Variants in FAT3 observed in about 807,000 individuals in gnomAD.
FAT3 encodes the protein protocadherin Fat 3.
Under a neutral mutation model 310.2 loss-of-function variants are expected in FAT3, and 95 were observed. The observed-to-expected ratio is 0.31, with a 90% CI of 0.26 to 0.36. The LOEUF (loss-of-function observed/expected upper bound fraction) is 0.36, where lower values mean the gene tolerates loss of function less well. Ranked by LOEUF, FAT3 falls within the 10% of genes least tolerant of loss-of-function variation. The pLI, the probability that FAT3 is intolerant of heterozygous loss-of-function variation, is 1.00. For missense variants in FAT3, 5,408 were observed against 5,715.6 expected, an observed-to-expected ratio of 0.95 and a Z score of 1.74; for synonymous variants, 2,314 against 2,192.9, an observed-to-expected ratio of 1.06 and a Z score of -1.54.
chr11:92,235,808 C>T (rs1864394128), intron 1 of FAT3, among the ~76,000 whole-genome samples: 1 of 152,160 alleles, frequency 6.6e-6, no homozygotes, highest in Non-Finnish European at 1.5e-5. Flanking sequence ...CCTGTATGTT[C>T]TAAGCAAGTG....
intron 3 of FAT3, among the ~76,000 whole-genome samples, chr11:92,672,412 C>A (rs1325535779): frequency 6.6e-6 from 1 of 152,168 alleles, no homozygotes. Context: ...TGTTTCCAGA[C>A]ATTGAAAATG....
At chr11:92,537,968 A>G (rs1281102461) in intron 3 of FAT3, among the ~76,000 whole-genome samples, 1 of 152,046 alleles carries the variant, frequency 6.6e-6, no homozygotes, top group Admixed American at 6.6e-5. Context: ...TTTATAAGTC[A>G]TGTTATTGCT....
At chr11:92,598,930 A>G (rs1408828490) in intron 3 of FAT3, among the ~76,000 whole-genome samples, 2 of 152,282 alleles carry the variant, frequency 1.3e-5, no homozygotes, top group South Asian at 2.1e-4. Flanking sequence ...TAAATACTCA[A>G]TGAATGTCAG....
At chr11:92,756,976 G>A (rs1237826400) in intron 4 of FAT3, among the ~76,000 whole-genome samples, 1 of 142,912 alleles carries the variant, frequency 7.0e-6, no homozygotes, top group Non-Finnish European at 1.5e-5. Context: ...CCAGGCTGGA[G>A]TGCAGTGGCG....
chr11:92,309,920 G>T (rs1308081121), intron 1 of FAT3, among the ~76,000 whole-genome samples: 3 of 151,744 alleles, frequency 2.0e-5, no homozygotes, highest in African/African-American at 4.8e-5. Context: ...AGATTGGAAT[G>T]AGAGTTAGTG....
chr11:92,230,575 T>C (rs953974209), intron 1 of FAT3, among the ~76,000 whole-genome samples: 1 of 152,250 alleles, frequency 6.6e-6, no homozygotes, highest in East Asian at 1.9e-4. Context: ...ATTAGAGGCA[T>C]GAGCCACCGT....
chr11:92,560,637 A>G (rs477212), intron 3 of FAT3, among the ~76,000 whole-genome samples: 23,040 of 152,128 alleles, frequency 0.15, 1,937 homozygotes, highest in East Asian at 0.29. Flanking sequence ...GCTATTTAAA[A>G]CAATAAAAAG....
intron 2 of FAT3, among the ~76,000 whole-genome samples, chr11:92,523,813 A>G (rs1953762458): frequency 6.6e-6 from 1 of 152,152 alleles, no homozygotes; most frequent in Non-Finnish European, 1.5e-5. Flanking sequence ...GTAAAGATAG[A>G]CAAGAGCACT....
intron 2 of FAT3, among the ~76,000 whole-genome samples, chr11:92,496,595 T>C (rs1952773259): frequency 6.6e-6 from 1 of 152,058 alleles, no homozygotes; most frequent in Non-Finnish European, 1.5e-5. Flanking sequence ...TTGCTCTATG[T>C]GCTGCTAGGT....
At chr11:92,431,213 T>C (rs1397247586) in intron 2 of FAT3, among the ~76,000 whole-genome samples, 2 of 152,238 alleles carry the variant, frequency 1.3e-5, no homozygotes, top group Admixed American at 6.5e-5. Flanking sequence ...CTAACTGGTG[T>C]GAGATGATAT....
intron 4 of FAT3, among the ~76,000 whole-genome samples, chr11:92,759,954 T>G (rs11020051): frequency 0.75 from 114,373 of 151,740 alleles, 44,161 homozygotes; most frequent in Non-Finnish European, 0.83. Context: ...TGGACAGGCT[T>G]CTCAAGCAGA....
chr11:92,254,467 C>T (rs992478686), intron 1 of FAT3, among the ~76,000 whole-genome samples: 2 of 152,126 alleles, frequency 1.3e-5, no homozygotes, highest in Non-Finnish European at 2.9e-5. Flanking sequence ...ATCCTGCTGG[C>T]TGGAAATATT....
intron 22 of FAT3, 132 bp downstream of exon 22, chr11:92,867,341 A>T: frequency 1.0e-6 from 1 of 957,240 alleles, no homozygotes; most frequent in Non-Finnish European, 1.5e-6. Context: ...ATGCTCGCCA[A>T]CCTTCTTAAT....
chr11:92,867,908 A>AC (rs1949289123), intron 22 of FAT3, among the ~76,000 whole-genome samples: 1 of 44,720 alleles, frequency 2.2e-5, no homozygotes, highest in Non-Finnish European at 4.2e-5. Flanking sequence ...GAGAGTAGGC[A>AC]TTAAAAAAAA....
At position 92,799,497 on chromosome 11, in the gene FAT3, G is replaced by A. The variant is rs768752334; in HGVS notation, c.6484G>A (p.Asp2162Asn). The A allele has an allele frequency of 6.2e-7, 1 of 1,613,672 alleles. No individual in the cohort carries two copies. Among genetic ancestry groups the A allele is most frequent in the South Asian group, 1.1e-5 (1 of 91,018 alleles). The change falls in exon 10 of 28, where the codon GAT (aspartate) becomes AAT (asparagine). Residue 2162 changes from aspartate to asparagine, a missense_variant. Asp to Asn is a conservative substitution (Grantham distance 23). Transcript: ENST00000525166. ...GTATGGAGTCACCATCCTAGCCAAG[G>A]ATGGCGGAAAACCTTCTTTGTCTAC... ...IEYGVTILAK[D>N]GGKPSLSTSV...
At chr11:92,847,918 A>AACAC (rs112590185) in intron 19 of FAT3, among the ~76,000 whole-genome samples, 105 of 148,940 alleles carry the variant, frequency 7.0e-4, no homozygotes, top group African/African-American at 1.7e-3. Context: ...CCTCCCCCCA[A>AACAC]ACACACACAC....
chr11:92,620,216 ACT>A (rs1458258524), intron 3 of FAT3, among the ~76,000 whole-genome samples: 1 of 152,110 alleles, frequency 6.6e-6, no homozygotes, highest in Admixed American at 6.5e-5. Context: ...AAGGGAACAC[ACT>A]CTGTATAATT....
intron 2 of FAT3, among the ~76,000 whole-genome samples, chr11:92,365,378 A>T (rs1172947368): frequency 2.6e-5 from 4 of 152,312 alleles, no homozygotes; most frequent in South Asian, 4.1e-4. Context: ...TACCTTCAAG[A>T]TGTGTAAAAC....
intron 1 of FAT3, among the ~76,000 whole-genome samples, chr11:92,229,489 C>CTTTTTTTTTTTTTTTT (rs1565339181): frequency 2.1e-5 from 1 of 48,632 alleles, no homozygotes; most frequent in Non-Finnish European, 4.3e-5. Flanking sequence ...TTTGTTTTTT[C>CTTTTTTTTTTTTTTTT]GTGTTTTTTT....
Sources: gnomAD v4.1 joint callset for allele counts (sites outside exome capture counted in the v4.1 genomes callset) on GRCh38, gnomAD v4.1.1 for gene constraint, MANE v1.5 for transcripts, NCBI Gene and HGNC (gene_info 2026-07-23, HGNC 2026-07-21) for gene names.